The following NHS variants were observed in gnomAD, a reference collection of about 807,000 sequenced individuals.
The protein encoded by NHS is NHS actin remodeling regulator, also known as actin remodeling regulator NHS.
A neutral mutation model predicts 72.5 loss-of-function variants in NHS; 5 were observed. That is an observed-to-expected ratio of 0.07 (90% CI 0.04 to 0.14). The LOEUF (loss-of-function observed/expected upper bound fraction) is 0.14, where lower values mean the gene tolerates loss of function less well. Ranked by LOEUF, NHS falls within the 10% of genes least tolerant of loss-of-function variation. The pLI is 1.00. For missense variants in NHS, 1,072 were observed against 1,355.7 expected, an observed-to-expected ratio of 0.79 and a Z score of 3.29; for synonymous variants, 464 against 547.7, an observed-to-expected ratio of 0.85 and a Z score of 2.13.
intron 1 of NHS, among the ~76,000 whole-genome samples, chrX:17,669,010 CT>C (rs1449682450): frequency 8.9e-6 from 1 of 112,119 alleles, no homozygotes. Flanking sequence ...GAGAAGCAGC[CT>C]TCTGACTGTT....
At chrX:17,392,651 CCT>C (rs2064451021) in intron 1 of NHS, among the ~76,000 whole-genome samples, 1 of 112,015 alleles carries the variant, frequency 8.9e-6, no homozygotes, top group South Asian at 3.7e-4. Flanking sequence ...ATTCATTCTG[CCT>C]CTCTCCCTTT....
In NHS at chrX:17,376,051, G is replaced by A; in HGVS notation, c.294G>A (p.Gly98=). The A allele has an allele frequency of 9.4e-7, 1 of 1,058,749 alleles. No individual in the cohort carries two copies. The highest frequency in any genetic ancestry group is 4.0e-5 in the East Asian group (1 of 25,014). 87.3% of individuals were successfully genotyped at this position (1,058,749 alleles called of 1,213,427 possible). ...TGGCTGGCGAGGAGAGCACGGCGGGGATCCCGGAGGCGGCGCCCGCAGCCG... is the reference window on the plus strand; with the variant it reads ...TGGCTGGCGAGGAGAGCACGGCGGGAATCCCGGAGGCGGCGCCCGCAGCCG... ...ASVAGEESTA[G]IPEAAPAAGE... Residue 98 remains glycine, a synonymous_variant, in exon 1 of 9, where the codon GGG becomes GGA. Coordinates refer to ENST00000676302, the MANE Select transcript of NHS (RefSeq NM_001291867.2).
At chrX:17,381,328 G>A (rs770532460) in intron 1 of NHS, among the ~76,000 whole-genome samples, 36 of 111,519 alleles carry the variant, frequency 3.2e-4, no homozygotes, top group African/African-American at 8.8e-4. Flanking sequence ...ACAGAAAAGC[G>A]CACAGACCAT....
intron 1 of NHS, among the ~76,000 whole-genome samples, chrX:17,550,319 T>G (rs769109505): frequency 8.9e-6 from 1 of 112,282 alleles, no homozygotes; most frequent in African/African-American, 3.2e-5. Flanking sequence ...GAATGTTTTA[T>G]TGTTTGGGTG....
chrX:17,518,106 G>A (rs2065129415), intron 1 of NHS, among the ~76,000 whole-genome samples: 1 of 111,916 alleles, frequency 8.9e-6, no homozygotes, highest in Admixed American at 9.5e-5. Flanking sequence ...CTTCACTCCA[G>A]GACTGGGGCT....
intron 1 of NHS, among the ~76,000 whole-genome samples, chrX:17,644,854 GC>G (rs1418503799): frequency 9.0e-6 from 1 of 110,622 alleles, no homozygotes; most frequent in East Asian, 2.8e-4. Context: ...TTCCTGAACT[GC>G]CAGGCACGCT....
intron 1 of NHS, among the ~76,000 whole-genome samples, chrX:17,517,029 G>A (rs763072861): frequency 1.8e-5 from 2 of 112,148 alleles, no homozygotes; most frequent in African/African-American, 3.2e-5. Context: ...GTCCCTGATT[G>A]CTGGATAAAA....
At chrX:17,468,262 T>A (rs2064878096) in intron 1 of NHS, among the ~76,000 whole-genome samples, 1 of 111,277 alleles carries the variant, frequency 9.0e-6, no homozygotes, top group South Asian at 3.8e-4. Context: ...GAAAAGTTCC[T>A]TGCCATCGAT....
rs1027104867 is a variant in NHS, at chrX:17,713,384, C to A, written c.853-5960C>A. On this transcript the variant is annotated intron_variant, in intron 3 of 8. Transcript: ENST00000676302. ...ACCCAGTGTGGTTTGCAATGGACAT[C>A]TTTGCTGTAAGGTCTTATTCTTGTT... Among the ~76,000 whole-genome samples, 10 of 111,984 alleles carry A rather than the reference C, an allele frequency of 8.9e-5. No individual in the cohort carries two copies. In the Admixed American group the frequency reaches 9.5e-4, roughly 11 times the overall value.
intron 1 of NHS, among the ~76,000 whole-genome samples, chrX:17,531,207 C>A (rs2065196827): frequency 9.5e-6 from 1 of 105,643 alleles, no homozygotes; most frequent in Admixed American, 1.0e-4. Context: ...CATTTCCTAG[C>A]TGTGAATCCA....
chrX:17,540,351 G>A (rs765473495), intron 1 of NHS, among the ~76,000 whole-genome samples: 6 of 111,846 alleles, frequency 5.4e-5, no homozygotes, highest in Non-Finnish European at 1.1e-4. Context: ...GACTATCAGG[G>A]GGTTTCTTGG....
At chrX:17,724,910 T>A (rs966580029) in intron 6 of NHS, among the ~76,000 whole-genome samples, 7 of 112,113 alleles carry the variant, frequency 6.2e-5, no homozygotes, top group South Asian at 3.7e-4. Flanking sequence ...CTATGATTTT[T>A]AAAAAATTAT....
intron 1 of NHS, among the ~76,000 whole-genome samples, chrX:17,391,040 G>C (rs2064442661): frequency 8.9e-6 from 1 of 111,779 alleles, no homozygotes; most frequent in African/African-American, 3.3e-5. Flanking sequence ...GAGTGGGAAG[G>C]AAAATTAAAA....
chrX:17,562,073 G>A (rs757689894), intron 1 of NHS, among the ~76,000 whole-genome samples: 30 of 111,298 alleles, frequency 2.7e-4, no homozygotes, highest in Non-Finnish European at 4.3e-4. Flanking sequence ...CTACTGTTCT[G>A]AAATTGTAGA....
At chrX:17,441,399 A>G (rs2064753233) in intron 1 of NHS, among the ~76,000 whole-genome samples, 1 of 112,189 alleles carries the variant, frequency 8.9e-6, no homozygotes, top group Non-Finnish European at 1.9e-5. Context: ...ACCTTACACG[A>G]TTCTCTTTAA....
intron 1 of NHS, among the ~76,000 whole-genome samples, chrX:17,625,408 C>G (rs2065793428): frequency 8.9e-6 from 1 of 111,793 alleles, no homozygotes. Context: ...ACTTGAGAAC[C>G]ACTGCCCTAG....
intron 3 of NHS, among the ~76,000 whole-genome samples, chrX:17,695,383 A>G (rs1426767612): frequency 8.9e-6 from 1 of 112,595 alleles, no homozygotes; most frequent in East Asian, 2.8e-4. Flanking sequence ...ATAGAATACA[A>G]TATCAAAAAT....
At chrX:17,590,993 G>T (rs1238264942) in intron 1 of NHS, among the ~76,000 whole-genome samples, 1 of 111,975 alleles carries the variant, frequency 8.9e-6, no homozygotes, top group Non-Finnish European at 1.9e-5. Context: ...CCTATAAAAA[G>T]AAGTTTTCTT....
At position 17,376,234 on chromosome X, in the gene NHS, C is replaced by T. The variant is rs1263768041; in HGVS notation, c.477C>T (p.Leu159=). ...LFQELESDIQ[L]THRRVWALQG... ...AGGAGCTCGAGAGCGACATCCAGCT[C>T]ACCCACCGCCGCGTCTGGGCGCTGC... Residue 159 remains leucine (L), a synonymous_variant, in exon 1 of 9, where the codon CTC becomes CTT. Transcript: ENST00000676302. 8 of 1,178,442 alleles carry T rather than the reference C, an allele frequency of 6.8e-6. No individual in the cohort carries two copies. Among genetic ancestry groups the T allele is most frequent in the Non-Finnish European group, 9.0e-6 (8 of 884,523 alleles).
Sources: allele counts gnomAD v4.1 joint callset (sites outside exome capture counted in the v4.1 genomes callset), GRCh38; gene constraint gnomAD v4.1.1; transcripts MANE v1.5; gene names NCBI Gene and HGNC (gene_info 2026-07-23, HGNC 2026-07-21).